TAFA1: variants seen among roughly 807,000 people sequenced by gnomAD.
TAFA1 encodes chemokine-like protein TAFA-1.
A neutral mutation model predicts 18.5 loss-of-function variants in TAFA1; 4 were observed. The ratio of observed to expected loss-of-function variants is 0.22; its 90% CI spans 0.11 to 0.49. The LOEUF is 0.49. TAFA1 is among the 20% of genes least tolerant of loss of function. The pLI is 0.98. For missense variants in TAFA1, 147 were observed against 169.0 expected (o/e 0.87, Z 0.72); for synonymous variants, 56 against 55.2 (o/e 1.01, Z -0.06).
intron 2 of TAFA1, among the ~76,000 whole-genome samples, chr3:68,140,574 T>C (rs1377871376): frequency 2.6e-5 from 4 of 152,176 alleles, no homozygotes; most frequent in Non-Finnish European, 4.4e-5. Flanking sequence ...CTGAACACTT[T>C]CCTGCCACTT....
At chr3:68,381,201 C>T (rs2069943997) in intron 2 of TAFA1, among the ~76,000 whole-genome samples, 1 of 150,396 alleles carries the variant, frequency 6.6e-6, no homozygotes, top group Admixed American at 6.7e-5. Context: ...AGTCAGGTAG[C>T]ATGATGCCTC....
At chr3:68,492,544 G>A (rs1300921235) in intron 3 of TAFA1, among the ~76,000 whole-genome samples, 1 of 152,142 alleles carries the variant, frequency 6.6e-6, no homozygotes, top group Non-Finnish European at 1.5e-5. Context: ...TCAGAAAGGA[G>A]TGCTTGCCCA....
At chr3:68,304,475 T>C (rs983980392) in intron 2 of TAFA1, among the ~76,000 whole-genome samples, 1 of 152,228 alleles carries the variant, frequency 6.6e-6, no homozygotes, top group Non-Finnish European at 1.5e-5. Context: ...GATTTGAATC[T>C]GTATCATGTT....
chr3:68,544,802 G>T lies in TAFA1; in HGVS notation c.*299G>T. 1 of 197,696 alleles carries T rather than the reference G, an allele frequency of 5.1e-6. No homozygotes were observed. The highest frequency in any genetic ancestry group is 5.8e-5 in the Admixed American group (1 of 17,354). The allele number at this position is 197,696 out of a possible 1,614,324, so 12.2% of individuals were successfully genotyped here. On this transcript the variant is annotated 3_prime_UTR_variant, in exon 5 of 5. Transcript: ENST00000478136. ...AATCTATAGTTACTTTGTACCATTT[G>T]AAATATATGTATATATATATATATA...
At chr3:68,036,209 G>C (rs1005253590) in intron 2 of TAFA1, among the ~76,000 whole-genome samples, 9 of 152,248 alleles carry the variant, frequency 5.9e-5, no homozygotes, top group African/African-American at 2.2e-4. Context: ...GGGAGGCCAA[G>C]GTGGGTGGAT....
intron 2 of TAFA1, among the ~76,000 whole-genome samples, chr3:68,100,853 C>G (rs1330330445): frequency 2.0e-5 from 3 of 152,036 alleles, no homozygotes; most frequent in Admixed American, 6.6e-5. Flanking sequence ...TAGCACAAGA[C>G]AAAACGTGAT....
At chr3:68,525,724 A>G (rs1480525084) in intron 3 of TAFA1, among the ~76,000 whole-genome samples, 1 of 152,188 alleles carries the variant, frequency 6.6e-6, no homozygotes, top group Admixed American at 6.5e-5. Context: ...AGGAGTCCAT[A>G]TTTCATCTTC....
chr3:68,096,737 G>C (rs1262568084), intron 2 of TAFA1, among the ~76,000 whole-genome samples: 2 of 152,074 alleles, frequency 1.3e-5, no homozygotes, highest in Non-Finnish European at 2.9e-5. Context: ...TAACAAGAAA[G>C]ACATTGTCAT....
intron 3 of TAFA1, among the ~76,000 whole-genome samples, chr3:68,463,254 C>T (rs1311084746): frequency 1.3e-5 from 2 of 152,126 alleles, no homozygotes; most frequent in Non-Finnish European, 1.5e-5. Flanking sequence ...GCTGTCTCCT[C>T]TTAATCTCTA....
intron 3 of TAFA1, among the ~76,000 whole-genome samples, chr3:68,493,514 T>C (rs960727797): frequency 1.3e-5 from 2 of 152,190 alleles, no homozygotes; most frequent in Admixed American, 1.3e-4. Context: ...AGAATTGAAA[T>C]TGCTGGATCA....
chr3:68,363,357 G>T (rs1456032168), intron 2 of TAFA1, among the ~76,000 whole-genome samples: 5 of 152,144 alleles, frequency 3.3e-5, no homozygotes, highest in African/African-American at 1.2e-4. Flanking sequence ...TCTGTCCTCT[G>T]TGCTAGGACC....
At chr3:68,320,460 G>C (rs1300593184) in intron 2 of TAFA1, among the ~76,000 whole-genome samples, 1 of 152,150 alleles carries the variant, frequency 6.6e-6, no homozygotes, top group Non-Finnish European at 1.5e-5. Flanking sequence ...GAAGGTACTG[G>C]GAAAGGAGAC....
chr3:68,418,623 TGGGCTC>T (rs56659539), intron 3 of TAFA1, among the ~76,000 whole-genome samples: 104,920 of 151,126 alleles, frequency 0.69, 36,407 homozygotes, highest in East Asian at 0.72. Context: ...TGGCTTGGCT[TGGGCTC>T]GGGCTCAGAG....
At chr3:68,426,304 T>C (rs971959969) in intron 3 of TAFA1, among the ~76,000 whole-genome samples, 2 of 151,896 alleles carry the variant, frequency 1.3e-5, no homozygotes, top group African/African-American at 4.8e-5. Context: ...CACATCATAA[T>C]TGCCAGAGGA....
At chr3:68,050,414 G>A (rs890306422) in intron 2 of TAFA1, among the ~76,000 whole-genome samples, 1 of 152,142 alleles carries the variant, frequency 6.6e-6, no homozygotes, top group Non-Finnish European at 1.5e-5. Context: ...AAGCCCTCAG[G>A]GTGTAGAAGT....
intron 2 of TAFA1, among the ~76,000 whole-genome samples, chr3:68,377,007 T>C (rs1228347299): frequency 6.6e-6 from 1 of 152,200 alleles, no homozygotes; most frequent in Non-Finnish European, 1.5e-5. Flanking sequence ...CTCTTTGCCT[T>C]CCACCATGAT....
At chr3:68,450,758 G>A (rs1437155089) in intron 3 of TAFA1, among the ~76,000 whole-genome samples, 1 of 152,188 alleles carries the variant, frequency 6.6e-6, no homozygotes, top group African/African-American at 2.4e-5. Flanking sequence ...GACAACACAA[G>A]ATCCTAATTA....
intron 2 of TAFA1, among the ~76,000 whole-genome samples, chr3:68,286,465 T>G (rs2107267206): frequency 6.6e-6 from 1 of 151,860 alleles, no homozygotes; most frequent in East Asian, 1.9e-4. Context: ...AGGAAAATAT[T>G]TGGAATGGAC....
intron 2 of TAFA1, among the ~76,000 whole-genome samples, chr3:68,397,247 A>G (rs565719353): frequency 9.2e-5 from 14 of 152,200 alleles, no homozygotes; most frequent in African/African-American, 3.4e-4. Flanking sequence ...GCACCCATCA[A>G]CCCATCACCT....
Sources: gnomAD v4.1 joint callset for allele counts (sites outside exome capture counted in the v4.1 genomes callset) on GRCh38, gnomAD v4.1.1 for gene constraint, MANE v1.5 for transcripts, NCBI Gene and HGNC (gene_info 2026-07-23, HGNC 2026-07-21) for gene names.